Variants in NEGR1 observed in about 807,000 individuals in gnomAD.
NEGR1 encodes the protein IgLON family member 4.
NEGR1 carries 10 observed loss-of-function variants against 40.9 expected under a neutral mutation model. That is an observed-to-expected ratio of 0.24 (90% CI 0.15 to 0.42). NEGR1 has a LOEUF of 0.42. Ranked by LOEUF, NEGR1 falls within the 10% of genes least tolerant of loss-of-function variation. NEGR1 has a pLI of 1.00. For missense variants in NEGR1, 352 were observed against 438.9 expected (o/e 0.80, Z 1.77); for synonymous variants, 185 against 166.8 (o/e 1.11, Z -0.84).
intron 1 of NEGR1, among the ~76,000 whole-genome samples, chr1:72,201,784 T>C (rs1309475551): frequency 6.6e-6 from 1 of 151,986 alleles, no homozygotes; most frequent in African/African-American, 2.4e-5. Flanking sequence ...ATGAAACATG[T>C]AATTTTAGTA....
intron 4 of NEGR1, among the ~76,000 whole-genome samples, chr1:71,652,278 T>C (rs1469712975): frequency 2.0e-5 from 3 of 152,206 alleles, no homozygotes; most frequent in East Asian, 1.9e-4. Flanking sequence ...TTTATCATTT[T>C]TTTACACTAT....
chr1:71,717,824 T>C (rs1654328614), intron 3 of NEGR1, among the ~76,000 whole-genome samples: 1 of 151,918 alleles, frequency 6.6e-6, no homozygotes, highest in South Asian at 2.1e-4. Flanking sequence ...GGTATCCTTA[T>C]AAAAAAAGGA....
intron 1 of NEGR1, among the ~76,000 whole-genome samples, chr1:72,141,422 T>C (rs1457767236): frequency 1.3e-5 from 2 of 152,050 alleles, no homozygotes; most frequent in Non-Finnish European, 2.9e-5. Flanking sequence ...ATACATTCCA[T>C]AAATAGAATC....
At chr1:71,925,558 T>C (rs1386843286) in intron 2 of NEGR1, among the ~76,000 whole-genome samples, 1 of 152,300 alleles carries the variant, frequency 6.6e-6, no homozygotes, top group Non-Finnish European at 1.5e-5. Flanking sequence ...ATTTTTCTAC[T>C]ACAGATCATA....
At chr1:71,928,568 C>A (rs1410718347) in intron 2 of NEGR1, among the ~76,000 whole-genome samples, 1 of 143,812 alleles carries the variant, frequency 7.0e-6, no homozygotes, top group Non-Finnish European at 1.5e-5. Flanking sequence ...ATATATATAC[C>A]TATATATATT....
intron 3 of NEGR1, among the ~76,000 whole-genome samples, chr1:71,719,690 C>G: frequency 6.6e-6 from 1 of 151,636 alleles, no homozygotes; most frequent in Non-Finnish European, 1.5e-5. Flanking sequence ...GGTTTGTTAC[C>G]TAGGTATACA....
At chr1:72,113,845 A>T (rs1649479534) in intron 1 of NEGR1, among the ~76,000 whole-genome samples, 1 of 151,802 alleles carries the variant, frequency 6.6e-6, no homozygotes, top group East Asian at 1.9e-4. Flanking sequence ...CTTAGGACTT[A>T]ATTTAACTCT....
At chr1:71,781,237 G>C (rs968461196) in intron 2 of NEGR1, among the ~76,000 whole-genome samples, 3 of 151,992 alleles carry the variant, frequency 2.0e-5, no homozygotes, top group African/African-American at 7.3e-5. Context: ...TATAAGCACA[G>C]GGTATTTTAT....
chr1:72,006,699 A>C (rs1191968963), intron 1 of NEGR1, among the ~76,000 whole-genome samples: 2 of 152,176 alleles, frequency 1.3e-5, no homozygotes, highest in Non-Finnish European at 1.5e-5. Context: ...AATACCAGCA[A>C]ACTAAATAAT....
chr1:71,538,056 G>A (rs1647566798), intron 6 of NEGR1, among the ~76,000 whole-genome samples: 1 of 151,722 alleles, frequency 6.6e-6, no homozygotes, highest in South Asian at 2.1e-4. Flanking sequence ...CAGAGGTGAA[G>A]AGAAGTTCAC....
intron 2 of NEGR1, among the ~76,000 whole-genome samples, chr1:71,848,441 C>CT (rs1420190542): frequency 6.6e-6 from 1 of 152,086 alleles, no homozygotes; most frequent in Non-Finnish European, 1.5e-5. Context: ...CAGCTGGTGA[C>CT]TTTATGTTAA....
intron 2 of NEGR1, among the ~76,000 whole-genome samples, chr1:71,908,250 A>G (rs1013589562): frequency 6.6e-6 from 1 of 152,066 alleles, no homozygotes; most frequent in Non-Finnish European, 1.5e-5. Flanking sequence ...GGTTAATCTC[A>G]GCAAAGAGGA....
chr1:71,675,927 A>G (rs1407109131), intron 4 of NEGR1, among the ~76,000 whole-genome samples: 1 of 151,906 alleles, frequency 6.6e-6, no homozygotes, highest in Non-Finnish European at 1.5e-5. Flanking sequence ...TTGGCCTCTC[A>G]AAGTGCTGGT....
At chr1:72,230,391 T>C (rs1489641385) in intron 1 of NEGR1, among the ~76,000 whole-genome samples, 2 of 152,200 alleles carry the variant, frequency 1.3e-5, no homozygotes, top group Admixed American at 6.6e-5. Flanking sequence ...AAGTTATTTT[T>C]ACAGCTTTGT....
intron 6 of NEGR1, among the ~76,000 whole-genome samples, chr1:71,533,837 C>A (rs78998019): frequency 6.6e-6 from 1 of 151,530 alleles, no homozygotes; most frequent in South Asian, 2.1e-4. Context: ...AGGATATTAA[C>A]AATTTTTCAT....
intron 1 of NEGR1, among the ~76,000 whole-genome samples, chr1:72,047,218 A>C (rs766314787): frequency 5.9e-5 from 9 of 151,448 alleles, no homozygotes; most frequent in Non-Finnish European, 1.3e-4. Context: ...TCAAGCATAC[A>C]AGGAAAAGAT....
At chr1:72,029,569 T>C (rs1248453587) in intron 1 of NEGR1, among the ~76,000 whole-genome samples, 1 of 152,162 alleles carries the variant, frequency 6.6e-6, no homozygotes, top group Non-Finnish European at 1.5e-5. Flanking sequence ...AGTAATGCTG[T>C]CTCCTACAGA....
chr1:71,533,494 C>T (rs1647419041), intron 6 of NEGR1, among the ~76,000 whole-genome samples: 1 of 151,622 alleles, frequency 6.6e-6, no homozygotes, highest in Admixed American at 6.6e-5. Flanking sequence ...TATACACACA[C>T]ATGCACATAT....
intron 2 of NEGR1, among the ~76,000 whole-genome samples, chr1:71,916,876 C>G (rs980712473): frequency 1.3e-5 from 2 of 152,080 alleles, no homozygotes; most frequent in African/African-American, 4.8e-5. Context: ...TTTAGTCAAC[C>G]ATAGGTAGTG....
Sources: allele counts gnomAD v4.1 joint callset (sites outside exome capture counted in the v4.1 genomes callset), GRCh38; gene constraint gnomAD v4.1.1; transcripts MANE v1.5; gene names NCBI Gene and HGNC (gene_info 2026-07-23, HGNC 2026-07-21).